Variants in RSRC1 observed in about 807,000 individuals in gnomAD.
RSRC1 encodes serine/Arginine-related protein 53.
In RSRC1, 39 loss-of-function variants were observed where a neutral mutation model predicts 49.1. The observed-to-expected ratio is 0.79, with a 90% CI of 0.61 to 1.04. The LOEUF (loss-of-function observed/expected upper bound fraction) is 1.04. Among genes scored for constraint, RSRC1 ranks in the 50% least tolerant of loss-of-function variants. The pLI, the probability that RSRC1 is intolerant of heterozygous loss-of-function variation, is 0.00. For synonymous variants in RSRC1, 143 were observed against 130.8 expected (o/e 1.09, Z -0.63); for missense variants, 388 against 402.4 (o/e 0.96, Z 0.31).
At chr3:158,287,498 A>T (rs1726640154) in intron 4 of RSRC1, among the ~76,000 whole-genome samples, 1 of 152,156 alleles carries the variant, frequency 6.6e-6, no homozygotes, top group African/African-American at 2.4e-5. Flanking sequence ...TTTAAATCTA[A>T]TGATTATTCT....
At chr3:158,527,027 C>T (rs868446012) in intron 7 of RSRC1, among the ~76,000 whole-genome samples, 2 of 147,026 alleles carry the variant, frequency 1.4e-5, no homozygotes, top group Middle Eastern at 3.4e-3. Context: ...AAGATTAATT[C>T]AAGTCAGTCA....
At chr3:158,327,570 A>C (rs992415485) in intron 5 of RSRC1, among the ~76,000 whole-genome samples, 16 of 151,952 alleles carry the variant, frequency 1.1e-4, no homozygotes, top group African/African-American at 3.6e-4. Flanking sequence ...CCTGAGTTCT[A>C]GTTTGATTGC....
At chr3:158,153,475 G>A (rs116679890) in intron 3 of RSRC1, among the ~76,000 whole-genome samples, 4,505 of 152,294 alleles carry the variant, frequency 0.03, 223 homozygotes, top group African/African-American at 0.1. Context: ...GAATGACAAT[G>A]TGGCATGGTA....
At chr3:158,389,042 A>G (rs1037406292) in intron 6 of RSRC1, among the ~76,000 whole-genome samples, 4 of 151,806 alleles carry the variant, frequency 2.6e-5, no homozygotes, top group Non-Finnish European at 4.4e-5. Context: ...AAGTTTATAG[A>G]AAAAAAACAG....
chr3:158,518,148 A>ATATT (rs1310027981), intron 7 of RSRC1, among the ~76,000 whole-genome samples: 15 of 44,132 alleles, frequency 3.4e-4, no homozygotes, highest in Non-Finnish European at 4.2e-4. Context: ...ATATATATAT[A>ATATT]TTTTTTTTTT....
intron 5 of RSRC1, among the ~76,000 whole-genome samples, chr3:158,324,950 T>A (rs1180674911): frequency 4.6e-5 from 7 of 152,212 alleles, no homozygotes; most frequent in Admixed American, 3.3e-4. Context: ...GGTATCTCAT[T>A]GTGGTTTTGA....
chr3:158,133,328 A>G (rs1559912884), intron 3 of RSRC1, among the ~76,000 whole-genome samples: 1 of 152,156 alleles, frequency 6.6e-6, no homozygotes, highest in Admixed American at 6.6e-5. Flanking sequence ...TGAGAACAAA[A>G]TATGTGCTTA....
intron 3 of RSRC1, among the ~76,000 whole-genome samples, chr3:158,159,705 T>G (rs112817040): frequency 1.3e-5 from 2 of 152,152 alleles, no homozygotes; most frequent in Non-Finnish European, 2.9e-5. Flanking sequence ...TAGAGCTCAC[T>G]AAATGATTAT....
intron 4 of RSRC1, among the ~76,000 whole-genome samples, chr3:158,223,244 GT>G (rs1722324600): frequency 6.6e-6 from 1 of 151,614 alleles, no homozygotes; most frequent in Admixed American, 6.6e-5. Context: ...CTCCTCTGAT[GT>G]CTTTTGCCTC....
At chr3:158,363,904 C>T (rs142600751) in intron 6 of RSRC1, among the ~76,000 whole-genome samples, 1 of 152,194 alleles carries the variant, frequency 6.6e-6, no homozygotes, top group South Asian at 2.1e-4. Context: ...AGGGACCCTT[C>T]CTAGGAGAGA....
At chr3:158,385,437 G>A (rs1043083014) in intron 6 of RSRC1, among the ~76,000 whole-genome samples, 6 of 152,188 alleles carry the variant, frequency 3.9e-5, no homozygotes, top group Non-Finnish European at 8.8e-5. Context: ...TCTGCCTGAG[G>A]AATCAGAGAG....
At chr3:158,318,973 A>G (rs1360644359) in intron 5 of RSRC1, among the ~76,000 whole-genome samples, 1 of 152,216 alleles carries the variant, frequency 6.6e-6, no homozygotes, top group Non-Finnish European at 1.5e-5. Context: ...TTGGAGTGAC[A>G]GATATGTAGT....
At chr3:158,361,503 G>A (rs187147645) in intron 6 of RSRC1, among the ~76,000 whole-genome samples, 5 of 152,258 alleles carry the variant, frequency 3.3e-5, no homozygotes, top group South Asian at 2.1e-4. Context: ...TGCTGGTCCC[G>A]TAGCCACTTC....
intron 3 of RSRC1, among the ~76,000 whole-genome samples, chr3:158,148,895 T>C (rs1287784218): frequency 6.6e-6 from 1 of 151,980 alleles, no homozygotes; most frequent in Admixed American, 6.6e-5. Context: ...GTGAGTCTCC[T>C]ACCTCAGCCT....
chr3:158,470,724 C>T (rs1738100547), intron 7 of RSRC1, among the ~76,000 whole-genome samples: 1 of 152,074 alleles, frequency 6.6e-6, no homozygotes, highest in South Asian at 2.1e-4. Flanking sequence ...GTATATAAAA[C>T]CATAATCTAA....
At chr3:158,198,663 C>T (rs1485833977) in intron 3 of RSRC1, among the ~76,000 whole-genome samples, 1 of 151,794 alleles carries the variant, frequency 6.6e-6, no homozygotes, top group Non-Finnish European at 1.5e-5. Flanking sequence ...CTTCCTTCAC[C>T]CACTGTCGTG....
At chr3:158,255,336 G>T (rs6441183) in intron 4 of RSRC1, among the ~76,000 whole-genome samples, 72,126 of 151,682 alleles carry the variant, frequency 0.48, 17,665 homozygotes, top group East Asian at 0.64. Flanking sequence ...TTTCCCCATT[G>T]CTTGTTTTTC....
chr3:158,306,752 C>A (rs942777028), intron 5 of RSRC1, among the ~76,000 whole-genome samples: 2 of 151,854 alleles, frequency 1.3e-5, no homozygotes, highest in Non-Finnish European at 2.9e-5. Context: ...CCAACTCTTT[C>A]TGTAACATTT....
intron 3 of RSRC1, among the ~76,000 whole-genome samples, chr3:158,149,440 T>A (rs1053746347): frequency 6.6e-6 from 1 of 152,200 alleles, no homozygotes; most frequent in Non-Finnish European, 1.5e-5. Context: ...CACGCGTGAC[T>A]AGGCTATATC....
Sources: gnomAD v4.1 joint callset for allele counts (sites outside exome capture counted in the v4.1 genomes callset) on GRCh38, gnomAD v4.1.1 for gene constraint, MANE v1.5 for transcripts, NCBI Gene and HGNC (gene_info 2026-07-23, HGNC 2026-07-21) for gene names.